Variants in PCTP observed in about 807,000 individuals in gnomAD.
The protein encoded by PCTP is START domain-containing protein 2.
Under a neutral mutation model 31.0 loss-of-function variants are expected in PCTP, and 27 were observed. The ratio of observed to expected loss-of-function variants is 0.87; its 90% CI spans 0.64 to 1.20. The LOEUF (loss-of-function observed/expected upper bound fraction) is 1.20. Among genes scored for constraint, PCTP ranks in the 50% most tolerant of loss-of-function variants. The probability of loss-of-function intolerance (pLI) is 0.00; values close to 1 mark genes in which losing one functional copy is unlikely to be tolerated. For synonymous variants in PCTP, 108 were observed against 101.2 expected (o/e 1.07, Z -0.40); for missense variants, 287 against 268.2 (o/e 1.07, Z -0.49).
rs537181425 is a variant in PCTP, at chr17:55,802,891, A to T, written c.317+15237A>T. Among the ~76,000 whole-genome samples the T allele has an allele frequency of 6.6e-5, 10 of 152,246 alleles. No individual in the cohort carries two copies. In the South Asian group the frequency reaches 1.4e-3, roughly 22 times the overall value. ...GGGCAATCAGGCAAGAGAAAGACAT[A>T]AAAGGTATTCAAATAGGAAGTCAAA... On this transcript the variant is annotated intron_variant, in intron 3 of 3. Coordinates refer to the PCTP transcript ENST00000572536.
intron 3 of PCTP, among the ~76,000 whole-genome samples, chr17:55,795,418 G>A (rs1202756362): frequency 1.3e-5 from 2 of 152,018 alleles, no homozygotes; most frequent in Non-Finnish European, 2.9e-5. Context: ...TTGCATAAAG[G>A]GGAGTGGGGG....
the PCTP span, among the ~76,000 whole-genome samples, chr17:55,848,079 C>T: frequency 6.6e-6 from 1 of 152,098 alleles, no homozygotes; most frequent in African/African-American, 2.4e-5. Context: ...CATGCCACCA[C>T]ACCCGGCTAA....
At chr17:55,826,990 GT>G (rs1905418559), downstream of PCTP, among the ~76,000 whole-genome samples, 1 of 147,374 alleles carries the variant, frequency 6.8e-6, no homozygotes, top group East Asian at 2.0e-4. Context: ...AATTTAACCT[GT>G]TAATATACAA....
chr17:55,768,987 T>C (rs2960067), intron 2 of PCTP: 95,589 of 152,142 alleles, frequency 0.63, 35,775 homozygotes, highest in East Asian at 0.87. Flanking sequence ...GTTCATGGCA[T>C]TGAAAAAAGT....
chr17:55,813,480 A>G (rs1912819479), intron 3 of PCTP, among the ~76,000 whole-genome samples: 1 of 151,788 alleles, frequency 6.6e-6, no homozygotes, highest in African/African-American at 2.4e-5. Context: ...AGAGACAGCT[A>G]ATTTTTGTGT....
In PCTP at chr17:55,786,875, C is replaced by T. The variant is rs535734862; in HGVS notation, c.229-691C>T. Among the ~76,000 whole-genome samples the T allele has an allele frequency of 5.2e-4, 79 of 152,260 alleles. No individual in the cohort carries two copies. The South Asian group carries it at 8.1e-3, about 16-fold the overall frequency. On this transcript the variant is annotated intron_variant, in intron 2 of 3. Transcript: ENST00000572536. ...CTCCTGGTACCATCAGCCATGCTTC[C>T]AGGGATAGGATCCTGCATCACCTGT...
At chr17:55,806,165 G>GA (rs1912574556) in intron 3 of PCTP, among the ~76,000 whole-genome samples, 1 of 151,946 alleles carries the variant, frequency 6.6e-6, no homozygotes, top group Admixed American at 6.6e-5. Flanking sequence ...AGGCAAGCAA[G>GA]AAAAACAGAA....
intron 3 of PCTP, among the ~76,000 whole-genome samples, chr17:55,817,174 ATG>A (rs773162230): frequency 6.6e-6 from 1 of 152,228 alleles, no homozygotes; most frequent in Non-Finnish European, 1.5e-5. Context: ...TGAAAATAGC[ATG>A]TGTGTTTTCA....
downstream of PCTP, among the ~76,000 whole-genome samples, chr17:55,845,346 TGAGAA>T (rs927197236): frequency 1.3e-5 from 2 of 152,042 alleles, no homozygotes; most frequent in African/African-American, 4.8e-5. Flanking sequence ...TGTGCCCACT[TGAGAA>T]GAGATACCAC....
chr17:55,768,072 G>A (rs1481670986), intron 2 of PCTP, among the ~76,000 whole-genome samples: 1 of 134,628 alleles, frequency 7.4e-6, no homozygotes, highest in Non-Finnish European at 1.6e-5. Flanking sequence ...GACAACAGAG[G>A]GAGACCCTGT....
chr17:55,785,423 A>G (rs1030009351), intron 2 of PCTP, among the ~76,000 whole-genome samples: 1 of 152,264 alleles, frequency 6.6e-6, no homozygotes, highest in Non-Finnish European at 1.5e-5. Flanking sequence ...GCCCTGTGAG[A>G]CAGGCTAAGC....
intron 2 of PCTP, among the ~76,000 whole-genome samples, chr17:55,785,054 C>T (rs536080779): frequency 3.8e-4 from 58 of 152,354 alleles, no homozygotes; most frequent in African/African-American, 1.1e-3. Context: ...GTGTAATGCC[C>T]TCCTCTGTAT....
In PCTP at chr17:55,822,843, T is replaced by C. The variant is rs191842318; in HGVS notation, c.400T>C (p.Leu134=). 8.1e-6 allele frequency: 10 copies of C among 1,227,546 alleles called. No homozygotes were observed. In the East Asian group the frequency reaches 3.2e-4, roughly 39 times the overall value. The allele number at this position is 1,227,546 out of a possible 1,614,324, so 76.0% of individuals were successfully genotyped here. A position where few individuals can be genotyped will look rare whatever the true frequency, so the allele number is the denominator to read the frequency against. ...GCAAACCCAAACATTCTGCAATAGATTGAGTGGAAGGAAGAGGAAGGACAT... is the reference window on the plus strand; with the variant it reads ...GCAAACCCAAACATTCTGCAATAGACTGAGTGGAAGGAAGAGGAAGGACAT... Residue 134 remains leucine, a synonymous_variant, in exon 4 of 4, where the codon TTG becomes CTG. Coordinates refer to the PCTP transcript ENST00000572536.
chr17:55,796,009 A>G (rs1487894958), intron 3 of PCTP, among the ~76,000 whole-genome samples: 1 of 152,072 alleles, frequency 6.6e-6, no homozygotes, highest in African/African-American at 2.4e-5. Context: ...TTCTGCACAG[A>G]GGCGTCTAGG....
the PCTP span, among the ~76,000 whole-genome samples, chr17:55,849,882 C>T: frequency 2.6e-5 from 4 of 151,928 alleles, no homozygotes; most frequent in African/African-American, 9.7e-5. Context: ...GAGTTTATTC[C>T]AGGAATACAA....
chr17:55,767,995 A>C (rs1040228196), intron 2 of PCTP, among the ~76,000 whole-genome samples: 5 of 151,396 alleles, frequency 3.3e-5, no homozygotes, highest in African/African-American at 1.2e-4. Flanking sequence ...TAGGAGGCTG[A>C]GGCACTAAGA....
downstream of PCTP, among the ~76,000 whole-genome samples, chr17:55,823,908 A>G (rs367556197): frequency 2.2e-4 from 34 of 152,324 alleles, 2 homozygotes; most frequent in South Asian, 7.0e-3. Context: ...ATAGTGCTGC[A>G]TAACTCCCTA....
At chr17:55,850,623 C>T in the PCTP span, among the ~76,000 whole-genome samples, 1 of 152,160 alleles carries the variant, frequency 6.6e-6, no homozygotes, top group African/African-American at 2.4e-5. Context: ...ATCCAACCAA[C>T]TCCTGTGGGC....
intron 2 of PCTP, among the ~76,000 whole-genome samples, chr17:55,785,243 G>T (rs923642020): frequency 6.6e-6 from 1 of 152,250 alleles, no homozygotes; most frequent in Non-Finnish European, 1.5e-5. Flanking sequence ...TCCTATGGAA[G>T]GTCAATGTGA....
Sources: allele counts gnomAD v4.1 joint callset (sites outside exome capture counted in the v4.1 genomes callset), GRCh38; gene constraint gnomAD v4.1.1; transcripts MANE v1.5; gene names NCBI Gene and HGNC (gene_info 2026-07-23, HGNC 2026-07-21).